The following PDE10A variants were observed in gnomAD, a reference collection of about 807,000 sequenced individuals.
PDE10A encodes cAMP and cAMP-inhibited cGMP 3',5'-cyclic phosphodiesterase 10A.
Under a neutral mutation model 97.7 loss-of-function variants are expected in PDE10A, and 39 were observed. The ratio of observed to expected loss-of-function variants is 0.40; its 90% CI spans 0.31 to 0.52. The LOEUF (loss-of-function observed/expected upper bound fraction) is 0.52. Ranked by LOEUF, PDE10A falls within the 20% of genes least tolerant of loss-of-function variation. The pLI is 0.56. For missense variants in PDE10A, 731 were observed against 1,047.8 expected (o/e 0.70, Z 4.17); for synonymous variants, 371 against 376.8 (o/e 0.98, Z 0.18).
At chr6:165,382,515 C>A (rs974072399) in intron 17 of PDE10A, among the ~76,000 whole-genome samples, 1 of 152,126 alleles carries the variant, frequency 6.6e-6, no homozygotes, top group African/African-American at 2.4e-5. Context: ...ATAATTCTAT[C>A]TTTTAATGTC....
intron 17 of PDE10A, among the ~76,000 whole-genome samples, chr6:165,385,765 T>C (rs753809845): frequency 6.6e-6 from 1 of 152,246 alleles, no homozygotes; most frequent in South Asian, 2.1e-4. Flanking sequence ...CCTGCCCATG[T>C]AGATTGGGTT....
At chr6:165,380,558 C>T (rs972922990) in intron 17 of PDE10A, among the ~76,000 whole-genome samples, 4 of 152,166 alleles carry the variant, frequency 2.6e-5, no homozygotes, top group Non-Finnish European at 5.9e-5. Flanking sequence ...AGTAGTAAGA[C>T]CTTACATTTG....
chr6:165,786,552 C>A (rs1162262197), intron 1 of PDE10A, among the ~76,000 whole-genome samples: 1 of 152,104 alleles, frequency 6.6e-6, no homozygotes, highest in African/African-American at 2.4e-5. Flanking sequence ...TATGGGAAAA[C>A]TGGGAGGTCA....
At chr6:165,728,801 C>CA (rs2128450431) in intron 1 of PDE10A, among the ~76,000 whole-genome samples, 1 of 152,188 alleles carries the variant, frequency 6.6e-6, no homozygotes, top group African/African-American at 2.4e-5. Context: ...CTTTTGGGGC[C>CA]AAAAACAAGA....
At chr6:165,899,320 A>T (rs1479798340) in intron 1 of PDE10A, among the ~76,000 whole-genome samples, 1 of 152,206 alleles carries the variant, frequency 6.6e-6, no homozygotes, top group East Asian at 1.9e-4. Context: ...TGTTGAGATC[A>T]TGGTACTCTT....
At chr6:165,728,387 C>A (rs904955836) in intron 1 of PDE10A, among the ~76,000 whole-genome samples, 6 of 152,198 alleles carry the variant, frequency 3.9e-5, no homozygotes, top group Non-Finnish European at 8.8e-5. Context: ...TCAGTAGGGA[C>A]ATGCTGGTGC....
intron 1 of PDE10A, among the ~76,000 whole-genome samples, chr6:165,772,290 A>C (rs1778033672): frequency 6.6e-6 from 1 of 152,190 alleles, no homozygotes; most frequent in Admixed American, 6.5e-5. Context: ...TATTAAATGC[A>C]ACAGGCTAAA....
intron 1 of PDE10A, among the ~76,000 whole-genome samples, chr6:165,632,349 A>C (rs1386200909): frequency 6.6e-6 from 1 of 152,166 alleles, no homozygotes; most frequent in Non-Finnish European, 1.5e-5. Context: ...GCTGTTAAGA[A>C]AGCTCAGGTA....
chr6:165,904,134 A>C (rs1381566159), intron 1 of PDE10A, among the ~76,000 whole-genome samples: 1 of 152,148 alleles, frequency 6.6e-6, no homozygotes, highest in East Asian at 1.9e-4. Context: ...GATATGAGAG[A>C]ATTTTTAATG....
intron 1 of PDE10A, among the ~76,000 whole-genome samples, chr6:165,785,759 T>C (rs62427274): frequency 0.012 from 1,845 of 152,276 alleles, 27 homozygotes; most frequent in South Asian, 0.059. Flanking sequence ...TAGTCAGTGG[T>C]TCCCAAATGG....
chr6:165,480,470 C>G (rs1419658556), intron 3 of PDE10A, among the ~76,000 whole-genome samples: 2 of 152,052 alleles, frequency 1.3e-5, no homozygotes, highest in Non-Finnish European at 2.9e-5. Flanking sequence ...CCTGTAGTCC[C>G]AGCTATTTAG....
chr6:165,486,994 G>A (rs1779960158), intron 2 of PDE10A, among the ~76,000 whole-genome samples: 1 of 152,186 alleles, frequency 6.6e-6, no homozygotes. Context: ...CGGCTGACAC[G>A]TGATCACCTA....
At chr6:165,615,336 T>C (rs967151959) in intron 1 of PDE10A, among the ~76,000 whole-genome samples, 1 of 152,234 alleles carries the variant, frequency 6.6e-6, no homozygotes, top group African/African-American at 2.4e-5. Context: ...ATAACAATTA[T>C]GTACATCCTA....
chr6:165,810,948 G>A (rs6916916), intron 1 of PDE10A, among the ~76,000 whole-genome samples: 67,240 of 152,042 alleles, frequency 0.44, 15,644 homozygotes, highest in Middle Eastern at 0.53. Flanking sequence ...AAAACAGGCC[G>A]GATGTGGTGG....
At chr6:165,581,833 G>C (rs1785632884) in intron 1 of PDE10A, among the ~76,000 whole-genome samples, 1 of 152,200 alleles carries the variant, frequency 6.6e-6, no homozygotes, top group Non-Finnish European at 1.5e-5. Context: ...ATTTAAAGCA[G>C]AGACTATGAA....
chr6:165,678,111 G>GCC (rs1790857203), intron 1 of PDE10A, among the ~76,000 whole-genome samples: 5 of 147,832 alleles, frequency 3.4e-5, no homozygotes, highest in Non-Finnish European at 7.5e-5. Context: ...GTATGTATTT[G>GCC]TGTGGGTGTG....
At chr6:165,726,669 C>T (rs2128449853) in intron 1 of PDE10A, among the ~76,000 whole-genome samples, 1 of 152,312 alleles carries the variant, frequency 6.6e-6, no homozygotes, top group Non-Finnish European at 1.5e-5. Flanking sequence ...GGGAGAGTGT[C>T]CCATGGTTAG....
At chr6:165,423,837 A>G (rs1788910030) in intron 10 of PDE10A, among the ~76,000 whole-genome samples, 1 of 147,656 alleles carries the variant, frequency 6.8e-6, no homozygotes, top group Admixed American at 6.9e-5. Context: ...TGACAGAGCG[A>G]GACTATGTCT....
At chr6:165,960,712 C>T (rs12526112) in intron 1 of PDE10A, among the ~76,000 whole-genome samples, 3 of 152,116 alleles carry the variant, frequency 2.0e-5, no homozygotes, top group Admixed American at 1.3e-4. Flanking sequence ...GATATGAGGG[C>T]GCTAGAATCG....
Sources: allele counts gnomAD v4.1 joint callset (sites outside exome capture counted in the v4.1 genomes callset), GRCh38; gene constraint gnomAD v4.1.1; transcripts MANE v1.5; gene names NCBI Gene and HGNC (gene_info 2026-07-23, HGNC 2026-07-21).